GMDS: variants seen among roughly 807,000 people sequenced by gnomAD.
The protein encoded by GMDS is GDP-mannose 4,6-dehydratase, also known as GDP-mannose 4,6 dehydratase.
A neutral mutation model predicts 49.9 loss-of-function variants in GMDS; 20 were observed. The ratio of observed to expected loss-of-function variants is 0.40; its 90% CI spans 0.28 to 0.58. The LOEUF is 0.58. GMDS is among the 20% of genes least tolerant of loss of function. The pLI is 0.42. For missense variants in GMDS, 362 were observed against 481.4 expected (o/e 0.75, Z 2.32); for synonymous variants, 177 against 178.6 (o/e 0.99, Z 0.07).
intron 7 of GMDS, among the ~76,000 whole-genome samples, chr6:1,796,797 C>G (rs1213017788): frequency 6.6e-6 from 1 of 152,202 alleles, no homozygotes; most frequent in Non-Finnish European, 1.5e-5. Context: ...CTTCCTTCCT[C>G]TGCACTTAGG....
At chr6:1,879,781 C>T (rs1759273831) in intron 7 of GMDS, among the ~76,000 whole-genome samples, 1 of 152,246 alleles carries the variant, frequency 6.6e-6, no homozygotes, top group Non-Finnish European at 1.5e-5. Context: ...TCTCTAAAAA[C>T]TTTCCTCACA....
Position 1,624,029 on chromosome 6 carries a change from G to A in GMDS, c.*140C>T. On this transcript the variant is annotated 3_prime_UTR_variant, in exon 11 of 11. Transcript: ENST00000380815. The stretch of plus-strand genomic sequence containing the variant: ...ACCTCGGCGGGGCGGCCCCGCTCTT[G>A]CGGCCGGGACAGCGCAGCGGCAGCA... 1 of 700,454 alleles carries A rather than the reference G, an allele frequency of 1.4e-6. No individual in the cohort carries two copies. The highest frequency in any genetic ancestry group is 2.3e-6 in the Non-Finnish European group (1 of 426,116). 43.4% of individuals were successfully genotyped at this position (700,454 alleles called of 1,614,324 possible).
chr6:1,986,309 C>A (rs1323963296), intron 4 of GMDS, among the ~76,000 whole-genome samples: 3 of 152,128 alleles, frequency 2.0e-5, no homozygotes, highest in Non-Finnish European at 4.4e-5. Context: ...CCAGTGCCGT[C>A]TGGACAAGTA....
chr6:1,777,955 C>A (rs895072777), intron 7 of GMDS, among the ~76,000 whole-genome samples: 3 of 152,082 alleles, frequency 2.0e-5, no homozygotes, highest in African/African-American at 7.2e-5. Context: ...ATGCTGAATT[C>A]TTTCCCTAGA....
intron 9 of GMDS, among the ~76,000 whole-genome samples, chr6:1,656,999 C>G (rs1763904613): frequency 6.6e-6 from 1 of 152,134 alleles, no homozygotes. Flanking sequence ...GCGGGGGGCA[C>G]ATCTCACCCA....
intron 9 of GMDS, among the ~76,000 whole-genome samples, chr6:1,688,233 C>T (rs1455365896): frequency 6.6e-6 from 1 of 152,148 alleles, no homozygotes; most frequent in Non-Finnish European, 1.5e-5. Context: ...GGGGTTTCAG[C>T]AAAAAGAATA....
intron 4 of GMDS, among the ~76,000 whole-genome samples, chr6:2,085,230 TTA>T (rs886979901): frequency 2.0e-5 from 3 of 152,194 alleles, no homozygotes; most frequent in African/African-American, 7.2e-5. Context: ...TCTCGTGACC[TTA>T]TCTTTTTTAT....
At chr6:1,641,380 G>A (rs1360597601) in intron 9 of GMDS, among the ~76,000 whole-genome samples, 2 of 152,224 alleles carry the variant, frequency 1.3e-5, no homozygotes, top group Non-Finnish European at 2.9e-5. Context: ...AAGTGCCATG[G>A]AGCAGCACAG....
At chr6:2,006,823 C>T (rs1416477545) in intron 4 of GMDS, among the ~76,000 whole-genome samples, 2 of 152,114 alleles carry the variant, frequency 1.3e-5, no homozygotes, top group East Asian at 1.9e-4. Context: ...ACAAAATATA[C>T]GAAGTTTTGC....
intron 7 of GMDS, among the ~76,000 whole-genome samples, chr6:1,868,336 T>A (rs899100087): frequency 2.0e-5 from 3 of 152,190 alleles, no homozygotes; most frequent in Non-Finnish European, 2.9e-5. Flanking sequence ...TTCACCAGTC[T>A]ATTCTAAGTG....
intron 9 of GMDS, among the ~76,000 whole-genome samples, chr6:1,639,737 G>A (rs973922859): frequency 1.3e-5 from 2 of 152,232 alleles, no homozygotes; most frequent in African/African-American, 4.8e-5. Context: ...AACCAGCCGG[G>A]TGTGGTGGTG....
At chr6:2,133,797 A>T (rs982503011) in intron 1 of GMDS, among the ~76,000 whole-genome samples, 1 of 152,216 alleles carries the variant, frequency 6.6e-6, no homozygotes, top group Middle Eastern at 3.2e-3. Context: ...TCATTAAACT[A>T]ATAAAGCTAA....
intron 9 of GMDS, 61 bp from the exon 10 acceptor site, chr6:1,624,601 C>A: frequency 8.2e-7 from 1 of 1,217,396 alleles, no homozygotes. Context: ...GCAGCAGGTC[C>A]CGAGCCCCGG....
At position 1,631,419 on chromosome 6, in the gene GMDS, C is replaced by T. The variant is rs532730519; in HGVS notation, c.988-6879G>A. On this transcript the variant is annotated intron_variant, in intron 9 of 10. Coordinates refer to ENST00000380815, the MANE Select transcript of GMDS (RefSeq NM_001500.4). The stretch of plus-strand genomic sequence containing the variant: ...CTAGGCCACAGGGGATCCTGAATTG[C>T]ATAAGAGGAAGGTAATTTTCCTTAA... 3.3e-5 allele frequency among the ~76,000 whole-genome samples: 5 copies of T among 152,244 alleles called. No homozygotes were observed. In the South Asian group the frequency reaches 8.3e-4, roughly 25 times the overall value.
intron 4 of GMDS, among the ~76,000 whole-genome samples, chr6:1,990,166 C>A (rs544757778): frequency 6.6e-6 from 1 of 152,208 alleles, no homozygotes; most frequent in African/African-American, 2.4e-5. Context: ...CATGGTGGCA[C>A]GTGCCTGTAG....
At chr6:2,114,131 G>T (rs1774711770) in intron 4 of GMDS, among the ~76,000 whole-genome samples, 1 of 152,150 alleles carries the variant, frequency 6.6e-6, no homozygotes, top group African/African-American at 2.4e-5. Context: ...AATACTAAAT[G>T]ACAAGGGGAA....
chr6:2,193,401 A>T (rs1216420318), intron 1 of GMDS, among the ~76,000 whole-genome samples: 1 of 152,168 alleles, frequency 6.6e-6, no homozygotes, highest in Non-Finnish European at 1.5e-5. Flanking sequence ...CTGAGTCTCC[A>T]CTGCCATCCA....
chr6:2,090,137 A>G (rs1295276912), intron 4 of GMDS, among the ~76,000 whole-genome samples: 2 of 152,162 alleles, frequency 1.3e-5, no homozygotes, highest in Non-Finnish European at 2.9e-5. Context: ...TTTTAAGGAG[A>G]TTTTAAAGAA....
At chr6:2,189,031 A>C (rs1462524956) in intron 1 of GMDS, among the ~76,000 whole-genome samples, 1 of 152,216 alleles carries the variant, frequency 6.6e-6, no homozygotes, top group Non-Finnish European at 1.5e-5. Flanking sequence ...GGCTGCTCTA[A>C]GAAAACAAAT....
Sources: allele counts gnomAD v4.1 joint callset (sites outside exome capture counted in the v4.1 genomes callset), GRCh38; gene constraint gnomAD v4.1.1; transcripts MANE v1.5; gene names NCBI Gene and HGNC (gene_info 2026-07-23, HGNC 2026-07-21).